The following MGAT1 variants were observed in gnomAD, a reference collection of about 807,000 sequenced individuals.
MGAT1 encodes N-glycosyl-oligosaccharide-glycoprotein N-acetylglucosaminyltransferase I.
Under a neutral mutation model 31.7 loss-of-function variants are expected in MGAT1, and 14 were observed. The observed-to-expected ratio is 0.44, with a 90% CI of 0.29 to 0.69. MGAT1 has a LOEUF of 0.69. Among genes scored for constraint, MGAT1 ranks in the 30% least tolerant of loss-of-function variants. The pLI, the probability that MGAT1 is intolerant of heterozygous loss-of-function variation, is 0.12. For synonymous variants in MGAT1, 338 were observed against 276.0 expected (o/e 1.22, Z -2.23); for missense variants, 557 against 626.0 (o/e 0.89, Z 1.18).
chr5:180,812,342 C>G (rs975583798), intron 1 of MGAT1, among the ~76,000 whole-genome samples: 1 of 152,180 alleles, frequency 6.6e-6, no homozygotes, highest in Non-Finnish European at 1.5e-5. Context: ...ATTATGATTT[C>G]TAATCATACC....
Position 180,791,503 on chromosome 5 carries a change from G to T in MGAT1, c.*131C>A. On this transcript the variant is annotated 3_prime_UTR_variant, in exon 2 of 2. Coordinates refer to ENST00000307826, the MANE Select transcript of MGAT1 (RefSeq NM_002406.4). ...CTTGTTATCATTTGTGCACTTAAAT[G>T]CCACTCGGAAAAATCAAAAAGATAA... 1 of 1,126,804 alleles carries T rather than the reference G, an allele frequency of 8.9e-7. No individual in the cohort carries two copies. The highest frequency in any genetic ancestry group is 1.3e-6 in the Non-Finnish European group (1 of 785,258). 69.8% of individuals were successfully genotyped at this position (1,126,804 alleles called of 1,614,324 possible).
rs976603927 is a variant in MGAT1 at position 180,785,117 on chromosome 5, G to T, written c.*6517C>A. 3.9e-5 allele frequency: 6 copies of T among 152,162 alleles called. No individual in the cohort carries two copies. The highest frequency in any genetic ancestry group is 5.9e-5 in the Non-Finnish European group (4 of 68,034). The allele number at this position is 152,162 out of a possible 1,614,324, so 9.4% of individuals were successfully genotyped here. On this transcript the variant is annotated 3_prime_UTR_variant, in exon 2 of 2. Coordinates refer to ENST00000307826, the MANE Select transcript of MGAT1 (RefSeq NM_002406.4). ...AAAATATTCCCATCCTTTAATTCAA[G>T]AACATCTACGTAAATAATAGAACCA...
intron 1 of MGAT1, among the ~76,000 whole-genome samples, chr5:180,811,841 C>T (rs1772597048): frequency 1.3e-5 from 2 of 152,232 alleles, no homozygotes; most frequent in African/African-American, 4.8e-5. Flanking sequence ...CTCTCCCCTT[C>T]CTCTGTTAGC....
intron 1 of MGAT1, among the ~76,000 whole-genome samples, chr5:180,796,393 T>C (rs184517470): frequency 5.9e-5 from 9 of 152,174 alleles, no homozygotes; most frequent in Non-Finnish European, 1.0e-4. Context: ...TTAAATTCTA[T>C]TATATCAGGG....
At chr5:180,799,477 G>A (rs1180615324) in intron 1 of MGAT1, among the ~76,000 whole-genome samples, 1 of 152,076 alleles carries the variant, frequency 6.6e-6, no homozygotes, top group Non-Finnish European at 1.5e-5. Context: ...CACTCCCACA[G>A]CACTCTCTCC....
At chr5:180,797,733 T>C (rs1042756337) in intron 1 of MGAT1, among the ~76,000 whole-genome samples, 2 of 118,264 alleles carry the variant, frequency 1.7e-5, no homozygotes, top group African/African-American at 6.3e-5. Flanking sequence ...AGCCCTGGCC[T>C]CCACCTTAAT....
At chr5:180,811,625 CT>C (rs143481487) in intron 1 of MGAT1, among the ~76,000 whole-genome samples, 9,249 of 151,986 alleles carry the variant, frequency 0.061, 815 homozygotes, top group African/African-American at 0.19. Context: ...CCACACCCCC[CT>C]TCATCCCTCA....
At position 180,792,427 on chromosome 5, in the gene MGAT1, T is replaced by G; in HGVS notation, c.545A>C (p.Tyr182Ser). ...VPPDHRKFQGYYKIARHYRWA... is the reference protein window; with the variant it reads ...VPPDHRKFQGSYKIARHYRWA... ...GCGGTAGTGGCGCGCGATCTTGTAG[T>G]AGCCCTGGAACTTGCGGTGGTCCGG... Residue 182 changes from tyrosine (Y) to serine (S), a missense_variant, in exon 2 of 2, where the codon TAC becomes TCC. Transcript: ENST00000307826. 1 of 1,611,834 alleles carries G rather than the reference T, an allele frequency of 6.2e-7. No homozygotes were observed. The highest frequency in any genetic ancestry group is 2.2e-5 in the East Asian group (1 of 44,828).
chr5:180,796,237 C>G (rs1194279664), intron 1 of MGAT1, among the ~76,000 whole-genome samples: 1 of 152,168 alleles, frequency 6.6e-6, no homozygotes, highest in East Asian at 1.9e-4. Flanking sequence ...GACATGGATT[C>G]TGTCTCCCTC....
rs1767881517 is a variant in MGAT1, at chr5:180,790,246, C to G, written c.*1388G>C. On this transcript the variant is annotated 3_prime_UTR_variant, in exon 2 of 2. Coordinates refer to ENST00000307826, the MANE Select transcript of MGAT1 (RefSeq NM_002406.4). ...CTTCCCCAGACCAGGCCTGCCCAGC[C>G]AGCAGGAGGCAGAAGCAGGAGACAC... 6.6e-6 allele frequency: 1 copy of G among 152,330 alleles called. No individual in the cohort carries two copies. The highest frequency in any genetic ancestry group is 2.4e-5 in the African/African-American group (1 of 41,466). The allele number at this position is 152,330 out of a possible 1,614,324, so 9.4% of individuals were successfully genotyped here.
At chr5:180,796,732 C>G (rs1054900440) in intron 1 of MGAT1, among the ~76,000 whole-genome samples, 1 of 152,164 alleles carries the variant, frequency 6.6e-6, no homozygotes, top group Admixed American at 6.5e-5. Flanking sequence ...TTGCCTCAGC[C>G]TCCCGAGTAT....
intron 1 of MGAT1, among the ~76,000 whole-genome samples, chr5:180,797,023 CTG>C (rs1353809293): frequency 2.0e-5 from 3 of 152,190 alleles, no homozygotes; most frequent in Non-Finnish European, 2.9e-5. Flanking sequence ...TCCTAAATGA[CTG>C]TGCAAGAAAA....
Position 180,786,544 on chromosome 5 carries a change from G to A in MGAT1, c.*5090C>T, listed in dbSNP as rs536307821. On this transcript the variant is annotated 3_prime_UTR_variant, in exon 2 of 2. Coordinates refer to ENST00000307826, the MANE Select transcript of MGAT1 (RefSeq NM_002406.4). ...CTCTTTTGCTGACAGGGGTGCCTGTGTGATCCAGTTCTACCCAGGGAATTG... is the reference window on the plus strand; with the variant it reads ...CTCTTTTGCTGACAGGGGTGCCTGTATGATCCAGTTCTACCCAGGGAATTG... The A allele has an allele frequency of 1.1e-4, 17 of 152,278 alleles. No individual in the cohort carries two copies. Among genetic ancestry groups the A allele is most frequent in the Non-Finnish European group, 2.2e-4 (15 of 68,080 alleles). 9.4% of individuals were successfully genotyped at this position (152,278 alleles called of 1,614,324 possible).
intron 1 of MGAT1, among the ~76,000 whole-genome samples, chr5:180,796,296 T>C (rs1769356649): frequency 6.6e-6 from 1 of 152,176 alleles, no homozygotes; most frequent in Admixed American, 6.5e-5. Flanking sequence ...CAACCACTTG[T>C]CTTCTTCCTA....
At position 180,791,955 on chromosome 5, in the gene MGAT1, C is replaced by A. The variant is rs999916444; in HGVS notation, c.1017G>T (p.Val339=). The A allele has an allele frequency of 1.9e-6, 3 of 1,614,080 alleles. No homozygotes were observed. Among genetic ancestry groups the A allele is most frequent in the African/African-American group, 2.7e-5 (2 of 74,960 alleles). The stretch of plus-strand genomic sequence containing the variant: ...AAGACAGGTCCAGCTGGGTGAAGTG[C>A]ACAAACTGCTGGTTCAGCTTGATAA... ...LKFIKLNQQF[V]HFTQLDLSYL... The change falls in exon 2 of 2, where the codon GTG becomes GTT. Residue 339 remains valine, a synonymous_variant. Coordinates refer to ENST00000307826, the MANE Select transcript of MGAT1 (RefSeq NM_002406.4).
In MGAT1 at chr5:180,788,970, G is replaced by T. The variant is rs1432344708; in HGVS notation, c.*2664C>A. ...GGCCAAACTCCTCCTGGCTCCACCG[G>T]AAAGGGCACAATGCAGCTATCGCCG... On this transcript the variant is annotated 3_prime_UTR_variant, in exon 2 of 2. Coordinates refer to ENST00000307826, the MANE Select transcript of MGAT1 (RefSeq NM_002406.4). 1.3e-5 allele frequency: 2 copies of T among 152,264 alleles called. No individual in the cohort carries two copies. The highest frequency in any genetic ancestry group is 1.5e-5 in the Non-Finnish European group (1 of 68,066). The allele number at this position is 152,264 out of a possible 1,614,324, so 9.4% of individuals were successfully genotyped here.
rs1430685030 is a variant in MGAT1, at chr5:180,792,899, G to A, written c.73C>T (p.Leu25Phe). Residue 25 changes from leucine (L) to phenylalanine (F), a missense_variant, in exon 2 of 2, where the codon CTC (leucine) becomes TTC (phenylalanine). Physicochemically the swap from Leu to Phe is conservative, Grantham distance 22 (BLOSUM62 0). Transcript: ENST00000307826. The stretch of plus-strand genomic sequence containing the variant: ...GCTGGGCGCGTCCAGAAGAAGAGGA[G>A]CAGCAGGGCATTCCAGGCCACAAAG... ...ILFVAWNALL[L>F]LFFWTRPAPG... 1 of 1,608,744 alleles carries A rather than the reference G, an allele frequency of 6.2e-7. No homozygotes were observed. Among genetic ancestry groups the A allele is most frequent in the Non-Finnish European group, 8.5e-7 (1 of 1,178,038 alleles).
chr5:180,791,619 A>G lies in MGAT1; in HGVS notation c.*15T>C. 6.2e-7 allele frequency: 1 copy of G among 1,610,422 alleles called. No individual in the cohort carries two copies. The highest frequency in any genetic ancestry group is 8.5e-7 in the Non-Finnish European group (1 of 1,178,146). On this transcript the variant is annotated 3_prime_UTR_variant, in exon 2 of 2. Coordinates refer to ENST00000307826, the MANE Select transcript of MGAT1 (RefSeq NM_002406.4). Reference sequence around the variant, plus strand: ...ATGATGTGGCAAGGAGGGGCCCAGGAAGGACAGGCAGGTGCTAATTCCAGC... The same window carrying G: ...ATGATGTGGCAAGGAGGGGCCCAGGGAGGACAGGCAGGTGCTAATTCCAGC...
intron 1 of MGAT1, among the ~76,000 whole-genome samples, chr5:180,801,960 G>A (rs762541516): frequency 6.6e-6 from 1 of 152,324 alleles, no homozygotes; most frequent in East Asian, 1.9e-4. Context: ...GCAGATCCTG[G>A]ATGATGTGAG....
Sources: allele counts gnomAD v4.1 joint callset (sites outside exome capture counted in the v4.1 genomes callset), GRCh38; gene constraint gnomAD v4.1.1; transcripts MANE v1.5; gene names NCBI Gene and HGNC (gene_info 2026-07-23, HGNC 2026-07-21).